PLCH1: variants seen among roughly 807,000 people sequenced by gnomAD.
The protein encoded by PLCH1 is 1-phosphatidylinositol 4,5-bisphosphate phosphodiesterase eta-1.
PLCH1 carries 60 observed loss-of-function variants against 126.7 expected under a neutral mutation model. The ratio of observed to expected loss-of-function variants is 0.47; its 90% CI spans 0.38 to 0.59. PLCH1 has a LOEUF of 0.59. PLCH1 is among the 20% of genes least tolerant of loss of function. The pLI, the probability that PLCH1 is intolerant of heterozygous loss-of-function variation, is 0.00. For missense variants in PLCH1, 1,723 were observed against 2,040.0 expected (o/e 0.84, Z 2.99); for synonymous variants, 719 against 734.9 (o/e 0.98, Z 0.35).
intron 4 of PLCH1, among the ~76,000 whole-genome samples, chr3:155,593,281 G>A (rs1489617831): frequency 1.3e-5 from 2 of 152,220 alleles, no homozygotes; most frequent in African/African-American, 4.8e-5. Flanking sequence ...CAAGAAGGAT[G>A]CCTGCAGACC....
chr3:155,644,909 G>C (rs1197433509), intron 2 of PLCH1, among the ~76,000 whole-genome samples: 2 of 152,266 alleles, frequency 1.3e-5, no homozygotes, highest in Admixed American at 6.5e-5. Flanking sequence ...GTTCCTGTCT[G>C]AATAAAGATG....
At chr3:155,709,667 A>G (rs181536592) in intron 1 of PLCH1, among the ~76,000 whole-genome samples, 31 of 152,200 alleles carry the variant, frequency 2.0e-4, no homozygotes, top group African/African-American at 7.2e-4. Flanking sequence ...CTCAGGCCGA[A>G]GTACAGTGGC....
chr3:155,519,636 A>G (rs990472004), intron 11 of PLCH1, among the ~76,000 whole-genome samples: 1 of 151,788 alleles, frequency 6.6e-6, no homozygotes, highest in African/African-American at 2.4e-5. Flanking sequence ...ATCCCAGGCC[A>G]TGCCCCAGAC....
rs143488040 is a variant in PLCH1, at chr3:155,459,849, G to T, written c.2938+25507C>A. 5.9e-5 allele frequency among the ~76,000 whole-genome samples: 9 copies of T among 152,316 alleles called. No individual in the cohort carries two copies. In the East Asian group the frequency reaches 1.3e-3, roughly 23 times the overall value. ...TGATGTTTTATTATAGCTAAGAAATGATGATTTTCCCAAAGATGACACAGA... is the reference window on the plus strand; with the variant it reads ...TGATGTTTTATTATAGCTAAGAAATTATGATTTTCCCAAAGATGACACAGA... On this transcript the variant is annotated intron_variant, in intron 21 of 21. Coordinates refer to the PLCH1 transcript ENST00000494598.
chr3:155,538,161 A>G (rs1723707823), intron 10 of PLCH1, among the ~76,000 whole-genome samples: 1 of 152,220 alleles, frequency 6.6e-6, no homozygotes, highest in Non-Finnish European at 1.5e-5. Context: ...TGCGTCAACA[A>G]TGAAATCAAG....
downstream of PLCH1, among the ~76,000 whole-genome samples, chr3:155,478,454 A>G (rs1713642715): frequency 6.6e-6 from 1 of 151,890 alleles, no homozygotes; most frequent in Non-Finnish European, 1.5e-5. Context: ...GGAAATGGAT[A>G]CTCCATTCTC....
intron 3 of PLCH1, among the ~76,000 whole-genome samples, chr3:155,594,837 TA>T (rs747162591): frequency 3.9e-5 from 6 of 152,252 alleles, no homozygotes; most frequent in Non-Finnish European, 8.8e-5. Context: ...ATTTGTAGTT[TA>T]CATATTTGTA....
At chr3:155,654,037 G>A (rs1741081415) in intron 2 of PLCH1, among the ~76,000 whole-genome samples, 1 of 149,664 alleles carries the variant, frequency 6.7e-6, no homozygotes, top group South Asian at 2.1e-4. Flanking sequence ...CCTCTCCACT[G>A]AAACCAGGCT....
intron 14 of PLCH1, 116 bp from the exon 15 acceptor site, chr3:155,497,533 G>T: frequency 4.2e-6 from 3 of 718,316 alleles, no homozygotes; most frequent in Non-Finnish European, 7.2e-6. Context: ...CCTGCCCCAG[G>T]TCCTAAGGGA....
intron 1 of PLCH1, among the ~76,000 whole-genome samples, chr3:155,718,737 A>G (rs530087294): frequency 7.4e-4 from 112 of 152,280 alleles, no homozygotes; most frequent in African/African-American, 2.6e-3. Context: ...ATGAGGGATG[A>G]CCCAAATACC....
intron 1 of PLCH1, among the ~76,000 whole-genome samples, chr3:155,723,861 G>C (rs1748125904): frequency 6.8e-6 from 1 of 146,070 alleles, no homozygotes; most frequent in South Asian, 2.2e-4. Context: ...GGCTGAGGCA[G>C]AAGAATCGCT....
intron 21 of PLCH1, among the ~76,000 whole-genome samples, chr3:155,472,323 TC>T (rs1713299724): frequency 6.6e-6 from 1 of 151,930 alleles, no homozygotes; most frequent in Non-Finnish European, 1.5e-5. Flanking sequence ...AACTAGAAAA[TC>T]TAGAAGACAT....
intron 2 of PLCH1, among the ~76,000 whole-genome samples, chr3:155,664,679 A>G (rs757419473): frequency 1.3e-5 from 2 of 152,222 alleles, no homozygotes; most frequent in Non-Finnish European, 2.9e-5. Flanking sequence ...TTAAATTGCA[A>G]AACAGTGAGC....
chr3:155,669,030 G>A (rs1743097578), intron 2 of PLCH1, among the ~76,000 whole-genome samples: 1 of 152,066 alleles, frequency 6.6e-6, no homozygotes, highest in East Asian at 1.9e-4. Context: ...ACATGTGTGT[G>A]TGCATGTATG....
intron 2 of PLCH1, among the ~76,000 whole-genome samples, chr3:155,651,087 A>T (rs1019450741): frequency 6.6e-6 from 1 of 152,174 alleles, no homozygotes; most frequent in Non-Finnish European, 1.5e-5. Context: ...TGTTGGCTGG[A>T]TTTAAAAGGC....
intron 1 of PLCH1, among the ~76,000 whole-genome samples, chr3:155,720,964 T>C (rs1747902557): frequency 6.6e-6 from 1 of 152,244 alleles, no homozygotes; most frequent in Non-Finnish European, 1.5e-5. Flanking sequence ...TCCAGCACCA[T>C]TTGGTGAATA....
chr3:155,512,770 C>T (rs1719767792), intron 12 of PLCH1, among the ~76,000 whole-genome samples: 1 of 152,168 alleles, frequency 6.6e-6, no homozygotes, highest in Non-Finnish European at 1.5e-5. Flanking sequence ...GAGCTTTATC[C>T]TCCAAACTAT....
intron 2 of PLCH1, among the ~76,000 whole-genome samples, chr3:155,633,346 C>CAAAAAA (rs367695398): frequency 4.5e-5 from 6 of 133,478 alleles, no homozygotes; most frequent in African/African-American, 1.1e-4. Flanking sequence ...TAGTTTTCTT[C>CAAAAAA]AAAAAAAAAA....
chr3:155,719,104 C>T (rs952945009), intron 1 of PLCH1, among the ~76,000 whole-genome samples: 1 of 152,064 alleles, frequency 6.6e-6, no homozygotes, highest in Non-Finnish European at 1.5e-5. Flanking sequence ...TTTTGGTGCA[C>T]CCATCACCTG....
Sources: gnomAD v4.1 joint callset for allele counts (sites outside exome capture counted in the v4.1 genomes callset) on GRCh38, gnomAD v4.1.1 for gene constraint, MANE v1.5 for transcripts, NCBI Gene and HGNC (gene_info 2026-07-23, HGNC 2026-07-21) for gene names.